MDGA2: variants seen among roughly 807,000 people sequenced by gnomAD.
The protein encoded by MDGA2 is MAM domain-containing glycosylphosphatidylinositol anchor protein 2.
Under a neutral mutation model 117.8 loss-of-function variants are expected in MDGA2, and 40 were observed. The ratio of observed to expected loss-of-function variants is 0.34; its 90% CI spans 0.26 to 0.44. The LOEUF is 0.44. Among genes scored for constraint, MDGA2 ranks in the 20% least tolerant of loss-of-function variants. The pLI is 1.00. For missense variants in MDGA2, 1,123 were observed against 1,250.6 expected, an observed-to-expected ratio of 0.90 and a Z score of 1.54; for synonymous variants, 452 against 439.0, an observed-to-expected ratio of 1.03 and a Z score of -0.37.
At chr14:47,395,772 C>G (rs1402344730) in intron 1 of MDGA2, among the ~76,000 whole-genome samples, 1 of 152,002 alleles carries the variant, frequency 6.6e-6, no homozygotes, top group Non-Finnish European at 1.5e-5. Flanking sequence ...TGAATTCATA[C>G]ATAATTATAA....
intron 1 of MDGA2, among the ~76,000 whole-genome samples, chr14:47,610,089 T>G (rs1896820393): frequency 6.6e-6 from 1 of 152,216 alleles, no homozygotes; most frequent in South Asian, 2.1e-4. Flanking sequence ...TCTCAATAGA[T>G]GCAGAAAAAG....
intron 7 of MDGA2, among the ~76,000 whole-genome samples, chr14:47,051,219 T>A (rs1432180554): frequency 6.6e-6 from 1 of 151,460 alleles, no homozygotes; most frequent in Non-Finnish European, 1.5e-5. Context: ...GTCTATTTCC[T>A]TCTCTATAAA....
intron 1 of MDGA2, among the ~76,000 whole-genome samples, chr14:47,662,655 G>A (rs1897872384): frequency 6.6e-6 from 1 of 152,162 alleles, no homozygotes; most frequent in African/African-American, 2.4e-5. Context: ...GCTGCAATTG[G>A]AGGGATGTTT....
chr14:47,076,545 GTATGAGTGTGTGTTA>G (rs1037358575), intron 6 of MDGA2, among the ~76,000 whole-genome samples: 3 of 122,752 alleles, frequency 2.4e-5, no homozygotes, highest in South Asian at 2.8e-4. Flanking sequence ...TGTGTGTTAT[GTATGAGTGTGTGTTA>G]TGTGTGTGTG....
chr14:47,628,069 A>G lies in MDGA2; in HGVS notation c.280+46448T>C, dbSNP rs183909394. 1.0e-3 allele frequency among the ~76,000 whole-genome samples: 155 copies of G among 152,298 alleles called. 1 individual carries two copies. The highest frequency in any genetic ancestry group is 3.5e-3 in the African/African-American group (146 of 41,570). The stretch of plus-strand genomic sequence containing the variant: ...CATAGTTTTGGGGTTTTGGTGGGGT[A>G]GGTAGGTAGAAAAGGAGCGAACCTG... On this transcript the variant is annotated intron_variant, in intron 1 of 16. Transcript: ENST00000399232.
intron 5 of MDGA2, among the ~76,000 whole-genome samples, chr14:47,123,625 A>G (rs970012967): frequency 6.6e-6 from 1 of 152,072 alleles, no homozygotes; most frequent in Non-Finnish European, 1.5e-5. Context: ...TATTTATGTT[A>G]AACATTTGTT....
At chr14:47,041,989 A>G (rs1386556600) in intron 7 of MDGA2, among the ~76,000 whole-genome samples, 1 of 152,096 alleles carries the variant, frequency 6.6e-6, no homozygotes, top group Non-Finnish European at 1.5e-5. Context: ...AAGCTCAGTA[A>G]TAAATAATAT....
chr14:47,506,257 T>C (rs563064697), intron 1 of MDGA2, among the ~76,000 whole-genome samples: 232 of 152,186 alleles, frequency 1.5e-3, no homozygotes, highest in African/African-American at 5.2e-3. Context: ...ACACATAAGA[T>C]AAAATAAATA....
At position 47,197,572 on chromosome 14, in the gene MDGA2, G is replaced by T. The variant is rs188197136; in HGVS notation, c.595+20449C>A. On this transcript the variant is annotated intron_variant, in intron 3 of 16. Coordinates refer to ENST00000399232, the MANE Select transcript of MDGA2 (RefSeq NM_001113498.3). ...AAGACAACTGCCCTCAGGCATGTTT[G>T]TCAGAAATGTTCTTGTTGGTGAATC... Among the ~76,000 whole-genome samples the T allele has an allele frequency of 1.3e-4, 20 of 152,284 alleles. No individual in the cohort carries two copies. The East Asian group carries it at 3.5e-3, about 26-fold the overall frequency.
intron 3 of MDGA2, among the ~76,000 whole-genome samples, chr14:47,185,294 T>C (rs1408813872): frequency 6.6e-6 from 1 of 151,384 alleles, no homozygotes; most frequent in Non-Finnish European, 1.5e-5. Context: ...GAATAATTAT[T>C]CTGGAAAAAA....
intron 13 of MDGA2, 131 bp downstream of exon 13, chr14:46,873,914 G>T: frequency 1.3e-6 from 1 of 789,928 alleles, no homozygotes; most frequent in Non-Finnish European, 1.8e-6. Flanking sequence ...TATCTAAATT[G>T]ATACTGTACA....
intron 5 of MDGA2, among the ~76,000 whole-genome samples, chr14:47,110,292 G>T (rs1338018870): frequency 1.3e-5 from 2 of 152,126 alleles, no homozygotes; most frequent in Middle Eastern, 3.4e-3. Flanking sequence ...CAAAATAAAG[G>T]CTACGTGGCT....
chr14:47,198,400 G>A (rs7144778), intron 3 of MDGA2, among the ~76,000 whole-genome samples: 29,444 of 151,924 alleles, frequency 0.19, 2,956 homozygotes, highest in Middle Eastern at 0.22. Flanking sequence ...GTGAAACCCC[G>A]TCTCTACTAA....
chr14:47,359,829 T>A (rs1392628434), intron 1 of MDGA2, among the ~76,000 whole-genome samples: 1 of 151,950 alleles, frequency 6.6e-6, no homozygotes, highest in East Asian at 1.9e-4. Flanking sequence ...AATGGTTTTT[T>A]GGGTATCACA....
chr14:47,223,343 A>T (rs1886366656), intron 2 of MDGA2, among the ~76,000 whole-genome samples: 1 of 152,202 alleles, frequency 6.6e-6, no homozygotes, highest in African/African-American at 2.4e-5. Flanking sequence ...ATGAATGAAT[A>T]AAAAACTCAT....
chr14:47,494,230 T>C (rs985335220), intron 1 of MDGA2, among the ~76,000 whole-genome samples: 3 of 152,220 alleles, frequency 2.0e-5, no homozygotes, highest in Non-Finnish European at 2.9e-5. Context: ...GAAAGATCTT[T>C]ATAGCAGCAT....
chr14:47,245,258 A>C (rs1887199655), intron 2 of MDGA2, among the ~76,000 whole-genome samples: 1 of 151,824 alleles, frequency 6.6e-6, no homozygotes, highest in Non-Finnish European at 1.5e-5. Flanking sequence ...CGAACTCCTG[A>C]GGTCAAGAGA....
intron 7 of MDGA2, among the ~76,000 whole-genome samples, chr14:47,038,009 A>G (rs1304399752): frequency 6.6e-6 from 1 of 152,156 alleles, no homozygotes; most frequent in Non-Finnish European, 1.5e-5. Flanking sequence ...TGCTCAGTGC[A>G]ACCTCTGCCT....
intron 6 of MDGA2, 57 bp from the exon 7 acceptor site, chr14:47,061,635 A>G: frequency 2.2e-6 from 3 of 1,367,270 alleles, no homozygotes; most frequent in Non-Finnish European, 3.0e-6. Flanking sequence ...TTAAGGATTC[A>G]TTAACTGTAG....
Sources: gnomAD v4.1 joint callset for allele counts (sites outside exome capture counted in the v4.1 genomes callset) on GRCh38, gnomAD v4.1.1 for gene constraint, MANE v1.5 for transcripts, NCBI Gene and HGNC (gene_info 2026-07-23, HGNC 2026-07-21) for gene names.